Variants in FHIT observed in about 807,000 individuals in gnomAD.
The protein encoded by FHIT is fragile histidine triad diadenosine triphosphatase, also known as bis(5'-adenosyl)-triphosphatase.
FHIT carries 19 observed loss-of-function variants against 17.9 expected under a neutral mutation model. The observed-to-expected ratio is 1.06, with a 90% CI of 0.74 to 1.56. The LOEUF is 1.56. Ranked by LOEUF, FHIT falls within the 40% of genes most tolerant of loss-of-function variation. The probability of loss-of-function intolerance (pLI) is 0.00; values close to 1 mark genes in which losing one functional copy is unlikely to be tolerated. For missense variants in FHIT, 248 were observed against 189.2 expected, an observed-to-expected ratio of 1.31 and a Z score of -1.82; for synonymous variants, 81 against 69.7, an observed-to-expected ratio of 1.16 and a Z score of -0.81.
chr3:61,211,462 G>A (rs970938691), intron 1 of FHIT, among the ~76,000 whole-genome samples: 23 of 152,214 alleles, frequency 1.5e-4, no homozygotes, highest in African/African-American at 4.6e-4. Context: ...AGGGGCGCCC[G>A]CCATTGCCCA....
At chr3:60,448,385 G>A (rs1310116754) in intron 5 of FHIT, among the ~76,000 whole-genome samples, 1 of 152,166 alleles carries the variant, frequency 6.6e-6, no homozygotes, top group Non-Finnish European at 1.5e-5. Context: ...TTTTAGCTAT[G>A]TGTGCAGTAT....
intron 5 of FHIT, among the ~76,000 whole-genome samples, chr3:60,029,186 T>TA (rs1700876860): frequency 6.6e-6 from 1 of 152,236 alleles, no homozygotes; most frequent in South Asian, 2.1e-4. Context: ...AGAGGGTTTT[T>TA]AATGATTAGA....
chr3:60,379,141 A>G (rs914132212), intron 5 of FHIT, among the ~76,000 whole-genome samples: 1 of 152,220 alleles, frequency 6.6e-6, no homozygotes, highest in Non-Finnish European at 1.5e-5. Flanking sequence ...TGGGTTTTAG[A>G]TACTTAGCCC....
intron 7 of FHIT, among the ~76,000 whole-genome samples, chr3:59,976,707 T>C (rs1218440854): frequency 6.6e-6 from 1 of 152,236 alleles, no homozygotes; most frequent in Admixed American, 6.5e-5. Flanking sequence ...ACTTTCCAAA[T>C]ATCTAGGCTT....
chr3:60,954,260 T>C (rs1176078744), intron 3 of FHIT, among the ~76,000 whole-genome samples: 3 of 152,254 alleles, frequency 2.0e-5, no homozygotes, highest in Admixed American at 1.3e-4. Context: ...ATTTATATAC[T>C]ATCATATGCA....
chr3:60,554,414 C>T (rs1048172800), intron 4 of FHIT, among the ~76,000 whole-genome samples: 8 of 152,142 alleles, frequency 5.3e-5, no homozygotes, highest in African/African-American at 1.7e-4. Flanking sequence ...AAAATTTCTA[C>T]TATATTATAG....
chr3:60,487,561 A>G (rs2033894596), intron 5 of FHIT, among the ~76,000 whole-genome samples: 1 of 152,194 alleles, frequency 6.6e-6, no homozygotes, highest in African/African-American at 2.4e-5. Context: ...GCAGCAATTA[A>G]TAGGTACAGT....
chr3:60,540,614 AT>A (rs1314271038), intron 4 of FHIT, among the ~76,000 whole-genome samples: 2 of 152,168 alleles, frequency 1.3e-5, no homozygotes, highest in Admixed American at 6.5e-5. Context: ...GTCTTTGCTG[AT>A]TGTTGTTGCT....
At chr3:60,221,961 C>T (rs1347193562) in intron 5 of FHIT, among the ~76,000 whole-genome samples, 3 of 152,000 alleles carry the variant, frequency 2.0e-5, no homozygotes, top group Non-Finnish European at 4.4e-5. Context: ...TATGCACACA[C>T]ACAGAAATTC....
intron 5 of FHIT, among the ~76,000 whole-genome samples, chr3:60,344,618 A>G (rs1228441685): frequency 6.6e-6 from 1 of 152,180 alleles, no homozygotes; most frequent in Non-Finnish European, 1.5e-5. Flanking sequence ...AACTACATAA[A>G]TAGCTACAGG....
At chr3:60,486,556 T>G (rs1333471898) in intron 5 of FHIT, among the ~76,000 whole-genome samples, 1 of 152,126 alleles carries the variant, frequency 6.6e-6, no homozygotes, top group East Asian at 1.9e-4. Flanking sequence ...TTGCATACCA[T>G]CAGTTCTTTC....
intron 4 of FHIT, among the ~76,000 whole-genome samples, chr3:60,689,599 C>G (rs912344254): frequency 6.6e-6 from 1 of 152,134 alleles, no homozygotes; most frequent in Non-Finnish European, 1.5e-5. Flanking sequence ...ATTCTTTTCT[C>G]TCTCCATTGG....
intron 5 of FHIT, among the ~76,000 whole-genome samples, chr3:60,141,596 G>C (rs896711794): frequency 6.6e-6 from 1 of 152,104 alleles, no homozygotes; most frequent in Admixed American, 6.6e-5. Flanking sequence ...GCTTCTAAGT[G>C]ATATGTCAAC....
Position 60,500,771 on chromosome 3 carries a change from T to TTA in FHIT, c.103+36088_103+36089insTA, listed in dbSNP as rs751877681. 1.1e-4 allele frequency among the ~76,000 whole-genome samples: 7 copies of TTA among 64,860 alleles called. No individual in the cohort carries two copies. In the East Asian group the frequency reaches 1.8e-3, roughly 16 times the overall value. 42.6% of individuals were successfully genotyped at this position (64,860 alleles called of 152,430 possible). A position where few individuals can be genotyped will look rare whatever the true frequency, so the allele number is the denominator to read the frequency against. On this transcript the variant is annotated intron_variant, in intron 5 of 9. Coordinates refer to ENST00000492590, the MANE Select transcript of FHIT (RefSeq NM_002012.4). ...CTGGGTGACAGAGTGAGCATCCATC[T>TTA]AAAAAAAAAAAAAAAAAAAAAAAAA...
intron 3 of FHIT, among the ~76,000 whole-genome samples, chr3:60,904,326 G>C (rs1706277902): frequency 6.6e-6 from 1 of 151,970 alleles, no homozygotes; most frequent in Admixed American, 6.6e-5. Context: ...TTTGAGTTCA[G>C]CTGGGCCTTG....
intron 4 of FHIT, among the ~76,000 whole-genome samples, chr3:60,735,300 C>G (rs1287112464): frequency 6.6e-6 from 1 of 152,172 alleles, no homozygotes; most frequent in Non-Finnish European, 1.5e-5. Context: ...TGTGCTGGTA[C>G]CATCATCCTC....
intron 5 of FHIT, among the ~76,000 whole-genome samples, chr3:60,454,827 G>A (rs2031984771): frequency 6.6e-6 from 1 of 152,024 alleles, no homozygotes; most frequent in Non-Finnish European, 1.5e-5. Context: ...TCCTTCCCAG[G>A]AGACACTACT....
chr3:60,214,975 A>G (rs1466819246), intron 5 of FHIT, among the ~76,000 whole-genome samples: 2 of 152,094 alleles, frequency 1.3e-5, no homozygotes, highest in African/African-American at 4.8e-5. Flanking sequence ...TTGAATACAT[A>G]TAGACACAAA....
Position 61,051,790 on chromosome 3 carries a change from A to G in FHIT, c.-163-9691T>C, listed in dbSNP as rs528666673. On this transcript the variant is annotated intron_variant, in intron 2 of 9. Coordinates refer to ENST00000492590, the MANE Select transcript of FHIT (RefSeq NM_002012.4). ...TCTGGAAGCTAATTTTGGAAACTCT[A>G]TCAAGAAGTTGTGTGTGACTATTTT... Among the ~76,000 whole-genome samples, 8 of 152,294 alleles carry G rather than the reference A, an allele frequency of 5.3e-5. No individual in the cohort carries two copies. The East Asian group carries it at 1.5e-3, about 29-fold the overall frequency.
Sources: gnomAD v4.1 joint callset for allele counts (sites outside exome capture counted in the v4.1 genomes callset) on GRCh38, gnomAD v4.1.1 for gene constraint, MANE v1.5 for transcripts, NCBI Gene and HGNC (gene_info 2026-07-23, HGNC 2026-07-21) for gene names.